PBX1: variants seen among roughly 807,000 people sequenced by gnomAD.
PBX1 encodes PBX homeobox 1, also known as pre-B-cell leukemia transcription factor 1.
Under a neutral mutation model 53.4 loss-of-function variants are expected in PBX1, and 6 were observed. The ratio of observed to expected loss-of-function variants is 0.11; its 90% CI spans 0.06 to 0.22. The LOEUF is 0.22. Ranked by LOEUF, PBX1 falls within the 10% of genes least tolerant of loss-of-function variation. PBX1 has a pLI of 1.00. For synonymous variants in PBX1, 204 were observed against 212.3 expected, an observed-to-expected ratio of 0.96 and a Z score of 0.34; for missense variants, 251 against 551.4, an observed-to-expected ratio of 0.46 and a Z score of 5.46.
intron 6 of PBX1, chr1:164,818,793 A>C (rs1427419028): frequency 6.8e-6 from 1 of 148,108 alleles, no homozygotes; most frequent in East Asian, 2.0e-4. Context: ...ATCATTTGTT[A>C]AGTGGTCCTT....
intron 2 of PBX1, among the ~76,000 whole-genome samples, chr1:164,595,636 A>G (rs915156165): frequency 6.6e-6 from 1 of 152,040 alleles, no homozygotes; most frequent in African/African-American, 2.4e-5. Context: ...TGATCGTTGT[A>G]TATTCACTGG....
At chr1:164,759,308 G>A (rs1666688610) in intron 2 of PBX1, among the ~76,000 whole-genome samples, 1 of 152,120 alleles carries the variant, frequency 6.6e-6, no homozygotes, top group Non-Finnish European at 1.5e-5. Flanking sequence ...AACATGCTGT[G>A]ACTGCAGGGG....
chr1:164,693,789 G>A (rs1041817198), intron 2 of PBX1, among the ~76,000 whole-genome samples: 6 of 152,152 alleles, frequency 3.9e-5, no homozygotes, highest in African/African-American at 1.4e-4. Flanking sequence ...ATAGACTCCT[G>A]GAAGGTAATT....
At chr1:164,869,036 C>T (rs1672287298) in intron 2 of PBX1, among the ~76,000 whole-genome samples, 1 of 152,162 alleles carries the variant, frequency 6.6e-6, no homozygotes, top group African/African-American at 2.4e-5. Flanking sequence ...TTTTTTCTGT[C>T]TCTGGCATGA....
At chr1:164,752,933 A>T (rs147360522) in intron 2 of PBX1, among the ~76,000 whole-genome samples, 9 of 152,224 alleles carry the variant, frequency 5.9e-5, no homozygotes, top group Non-Finnish European at 1.2e-4. Flanking sequence ...TTGGTGGGGA[A>T]AATGGTAAGT....
intron 2 of PBX1, among the ~76,000 whole-genome samples, chr1:164,718,041 G>A (rs1571279865): frequency 6.6e-6 from 1 of 152,288 alleles, no homozygotes; most frequent in East Asian, 1.9e-4. Context: ...TCAAAACTGA[G>A]GTTCAAAGTA....
At position 164,698,348 on chromosome 1, in the gene PBX1, T is replaced by C. The variant is rs1662909714; in HGVS notation, c.266-94146T>C. On this transcript the variant is annotated intron_variant, in intron 2 of 8. Transcript: ENST00000420696. ...TAAATAATAAGCACAGAGTGTTTCA[T>C]ACATATCAAAGCAATTTCGTACATT... 3.3e-5 allele frequency among the ~76,000 whole-genome samples: 5 copies of C among 152,342 alleles called. No individual in the cohort carries two copies. The South Asian group carries it at 1.0e-3, about 32-fold the overall frequency.
At chr1:164,821,706 A>G in intron 8 of PBX1, 80 bp downstream of exon 8, 1 of 1,057,676 alleles carries the variant, frequency 9.5e-7, no homozygotes, top group Non-Finnish European at 1.5e-6. Flanking sequence ...AGGGCCCAGA[A>G]TGCCACTTAG....
At chr1:164,560,813 G>A (rs568969453) in intron 1 of PBX1, among the ~76,000 whole-genome samples, 31 of 152,130 alleles carry the variant, frequency 2.0e-4, no homozygotes, top group Non-Finnish European at 3.7e-4. Flanking sequence ...AAAGGGGTGG[G>A]GGGACAAAAA....
intron 2 of PBX1, chr1:164,770,230 A>T (rs1014575301): frequency 1.3e-5 from 2 of 152,212 alleles, no homozygotes; most frequent in African/African-American, 4.8e-5. Context: ...TCCGTGTCTT[A>T]GCCCTCCCAG....
At chr1:164,881,494 C>T (rs1219196098) in intron 2 of PBX1, among the ~76,000 whole-genome samples, 1 of 149,066 alleles carries the variant, frequency 6.7e-6, no homozygotes, top group Non-Finnish European at 1.5e-5. Flanking sequence ...TGTGTACTCT[C>T]CCCATCGTAT....
At chr1:164,715,059 C>A (rs1289642119) in intron 2 of PBX1, among the ~76,000 whole-genome samples, 1 of 151,504 alleles carries the variant, frequency 6.6e-6, no homozygotes, top group Non-Finnish European at 1.5e-5. Context: ...CTGTGCCATC[C>A]ATCTCAGTAT....
chr1:164,743,444 G>C (rs1464775523), intron 2 of PBX1, among the ~76,000 whole-genome samples: 1 of 152,130 alleles, frequency 6.6e-6, no homozygotes, highest in Non-Finnish European at 1.5e-5. Context: ...TACTGCTGCT[G>C]TTGGAAGCGA....
intron 2 of PBX1, among the ~76,000 whole-genome samples, chr1:164,581,608 C>G (rs1295782195): frequency 6.6e-6 from 1 of 152,146 alleles, no homozygotes; most frequent in Non-Finnish European, 1.5e-5. Flanking sequence ...AGAGAACAGC[C>G]TGGTATGCAG....
intron 2 of PBX1, among the ~76,000 whole-genome samples, chr1:164,634,907 A>G (rs116209672): frequency 2.6e-4 from 40 of 152,160 alleles, no homozygotes; most frequent in Non-Finnish European, 4.0e-4. Flanking sequence ...AGACCTGTCC[A>G]TTGATCTTGG....
intron 2 of PBX1, chr1:164,680,743 CT>C (rs1661713321): frequency 6.6e-6 from 1 of 152,224 alleles, no homozygotes. Context: ...CCCATTCTGT[CT>C]GAGGTCTCCC....
chr1:164,676,572 C>T (rs1265717555), intron 2 of PBX1, among the ~76,000 whole-genome samples: 1 of 152,186 alleles, frequency 6.6e-6, no homozygotes, highest in Non-Finnish European at 1.5e-5. Context: ...TTATGGTCAA[C>T]AGCTTTTTGG....
chr1:164,635,543 T>A (rs1434654578), intron 2 of PBX1, among the ~76,000 whole-genome samples: 1 of 152,218 alleles, frequency 6.6e-6, no homozygotes, highest in Admixed American at 6.5e-5. Flanking sequence ...CATTTATTCG[T>A]CTCTTGCCCT....
intron 2 of PBX1, among the ~76,000 whole-genome samples, chr1:164,864,142 CA>C (rs1035922256): frequency 3.9e-5 from 6 of 152,040 alleles, no homozygotes; most frequent in African/African-American, 1.4e-4. Flanking sequence ...GTGGAGGGGC[CA>C]GGGGAAACTT....
Sources: gnomAD v4.1 joint callset for allele counts (sites outside exome capture counted in the v4.1 genomes callset) on GRCh38, gnomAD v4.1.1 for gene constraint, MANE v1.5 for transcripts, NCBI Gene and HGNC (gene_info 2026-07-23, HGNC 2026-07-21) for gene names.